The following RNF41 variants were observed in gnomAD, a reference collection of about 807,000 sequenced individuals.
The protein encoded by RNF41 is ring finger protein 41.
A neutral mutation model predicts 33.0 loss-of-function variants in RNF41; 4 were observed. That is an observed-to-expected ratio of 0.12 (90% CI 0.06 to 0.28). The LOEUF is 0.28. Among genes scored for constraint, RNF41 ranks in the 10% least tolerant of loss-of-function variants. The probability of loss-of-function intolerance (pLI) is 1.00; values close to 1 mark genes in which losing one functional copy is unlikely to be tolerated. For missense variants in RNF41, 228 were observed against 432.6 expected (o/e 0.53, Z 4.19); for synonymous variants, 164 against 153.2 (o/e 1.07, Z -0.52).
At chr12:56,212,040 T>C (rs1868522474) in intron 3 of RNF41, among the ~76,000 whole-genome samples, 1 of 152,112 alleles carries the variant, frequency 6.6e-6, no homozygotes, top group South Asian at 2.1e-4. Flanking sequence ...TCCCAGCACT[T>C]TGGGAGGCCA....
chr12:56,216,020 G>T (rs1478334502), intron 2 of RNF41, among the ~76,000 whole-genome samples: 1 of 152,004 alleles, frequency 6.6e-6, no homozygotes, highest in African/African-American at 2.4e-5. Context: ...TACTTGGGAG[G>T]GTGAGGCAGG....
intron 2 of RNF41, among the ~76,000 whole-genome samples, chr12:56,215,802 C>T (rs1362955416): frequency 6.6e-6 from 1 of 151,676 alleles, no homozygotes; most frequent in African/African-American, 2.4e-5. Context: ...CTTTGGGCTC[C>T]CAAAGGTCAA....
chr12:56,207,244 TG>T lies in RNF41; in HGVS notation c.602+401del, dbSNP rs913654654. ...TTCACTTGTATACTTCGCTTGTTTT[TG>T]CTGCATTTTAGAGATCACTTTCCTG... On this transcript the variant is annotated intron_variant, in intron 6 of 6. Transcript: ENST00000345093. The T allele has an allele frequency of 3.4e-5, 45 of 1,327,154 alleles. No individual in the cohort carries two copies. In the Admixed American group the frequency reaches 7.4e-4, roughly 22 times the overall value. The allele number at this position is 1,327,154 out of a possible 1,614,324, so 82.2% of individuals were successfully genotyped here. A position where few individuals can be genotyped will look rare whatever the true frequency, so the allele number is the denominator to read the frequency against.
At chr12:56,209,085 G>T (rs1405193690) in intron 4 of RNF41, among the ~76,000 whole-genome samples, 2 of 144,582 alleles carry the variant, frequency 1.4e-5, no homozygotes, top group Non-Finnish European at 3.0e-5. Flanking sequence ...CGCTGGTCTT[G>T]AACTCCTGAC....
intron 4 of RNF41, among the ~76,000 whole-genome samples, chr12:56,209,158 C>T (rs1270386697): frequency 2.0e-5 from 3 of 152,318 alleles, no homozygotes; most frequent in Admixed American, 6.5e-5. Flanking sequence ...AGCCACCGCA[C>T]GGGGCCTATT....
chr12:56,210,034 G>A, intron 4 of RNF41: 1 of 500,586 alleles, frequency 2.0e-6, no homozygotes, highest in Non-Finnish European at 3.6e-6. Flanking sequence ...TGAAAGGGAA[G>A]AATAGAGTCA....
At chr12:56,211,692 G>GC (rs1565943095) in intron 3 of RNF41, among the ~76,000 whole-genome samples, 2 of 152,164 alleles carry the variant, frequency 1.3e-5, no homozygotes, top group Non-Finnish European at 2.9e-5. Context: ...AGAAAGCTAG[G>GC]CCAGGCATGG....
chr12:56,202,208 T>C lies in RNF41; in HGVS notation c.*4239A>G, dbSNP rs1251676557. 1.6e-5 allele frequency: 2 copies of C among 126,034 alleles called. No homozygotes were observed. The highest frequency in any genetic ancestry group is 5.7e-5 in the African/African-American group (2 of 35,046). 7.8% of individuals were successfully genotyped at this position (126,034 alleles called of 1,614,324 possible). A position where few individuals can be genotyped will look rare whatever the true frequency, so the allele number is the denominator to read the frequency against. ...AGAGATGAAACAAAAAAAATTTTAC[T>C]AGTATTAAAACAGATTAAGACAATT... On this transcript the variant is annotated 3_prime_UTR_variant, in exon 7 of 7. Coordinates refer to ENST00000345093, the MANE Select transcript of RNF41 (RefSeq NM_005785.4).
chr12:56,210,675 C>T lies in RNF41; in HGVS notation c.91-107G>A, dbSNP rs568038285. 135 of 1,099,744 alleles carry T rather than the reference C, an allele frequency of 1.2e-4. No homozygotes were observed. The East Asian group carries it at 2.4e-3, about 20-fold the overall frequency. The allele number at this position is 1,099,744 out of a possible 1,614,324, so 68.1% of individuals were successfully genotyped here. ...CAATCAAGCCTTTGAGCAGCCTCTA[C>T]GACAAGAGGTCCACTGGGTCACAGC... On this transcript the variant is annotated intron_variant, in intron 3 of 6. Coordinates refer to ENST00000345093, the MANE Select transcript of RNF41 (RefSeq NM_005785.4).
chr12:56,211,314 G>A (rs972605212), intron 3 of RNF41, among the ~76,000 whole-genome samples: 3 of 151,964 alleles, frequency 2.0e-5, no homozygotes, highest in African/African-American at 7.3e-5. Context: ...CTCCAGCCTG[G>A]GTGACAGAGC....
intron 2 of RNF41, among the ~76,000 whole-genome samples, chr12:56,215,902 A>T (rs532271712): frequency 2.8e-4 from 43 of 151,442 alleles, no homozygotes. Flanking sequence ...TGGGTGGATC[A>T]CCTGAGGTCA....
At chr12:56,220,347 T>C (rs993258039) in intron 1 of RNF41, among the ~76,000 whole-genome samples, 1 of 146,188 alleles carries the variant, frequency 6.8e-6, no homozygotes. Flanking sequence ...CCCAAGTAGC[T>C]GGGACTACAG....
In RNF41 at chr12:56,208,163, C is replaced by T. The variant is rs1035187610; in HGVS notation, c.498G>A (p.Gln166=). The change falls in exon 5 of 7, where the codon CAG becomes CAA. Residue 166 remains glutamine (Q), a splice_region_variant and synonymous_variant. Transcript: ENST00000345093. The part of the protein sequence containing the change: ...SAEHKHQLAE[Q]KRDIQLLKAY... ...TTCTCCCCCGTGTCTTGGGGCCTAC[C>T]TGCTCCGCCAGCTGGTGTTTGTGTT... is the stretch of plus-strand genomic sequence containing the variant. 1.2e-6 allele frequency: 2 copies of T among 1,614,192 alleles called. No individual in the cohort carries two copies. The highest frequency in any genetic ancestry group is 1.7e-6 in the Non-Finnish European group (2 of 1,180,028).
chr12:56,211,356 T>C (rs930973491), intron 3 of RNF41, among the ~76,000 whole-genome samples: 1 of 151,438 alleles, frequency 6.6e-6, no homozygotes, highest in East Asian at 1.9e-4. Context: ...TAAATAAATA[T>C]ATATATATAT....
chr12:56,219,097 C>T (rs1006699132), intron 1 of RNF41, among the ~76,000 whole-genome samples: 2 of 151,866 alleles, frequency 1.3e-5, no homozygotes, highest in East Asian at 1.9e-4. Flanking sequence ...CCTCCACTTC[C>T]CAGGTTCAAA....
In RNF41 at chr12:56,210,520, A is replaced by G. The variant is rs1342144259; in HGVS notation, c.139T>C (p.Phe47Leu). Residue 47 changes from phenylalanine to leucine, a missense_variant, in exon 4 of 7, where the codon TTC (phenylalanine) becomes CTC (leucine). Coordinates refer to ENST00000345093, the MANE Select transcript of RNF41 (RefSeq NM_005785.4). ...ACTGGACATGTCTGTTGCTGAGAGAACCACTGGGTGATGCAGGCGTTGCAG... is the reference window on the plus strand; with the variant it reads ...ACTGGACATGTCTGTTGCTGAGAGAGCCACTGGGTGATGCAGGCGTTGCAG... ...AFCNACITQW[F>L]SQQQTCPVDR... 6.2e-7 allele frequency: 1 copy of G among 1,613,926 alleles called. No homozygotes were observed. Among genetic ancestry groups the G allele is most frequent in the Non-Finnish European group, 8.5e-7 (1 of 1,180,038 alleles).
intron 5 of RNF41, 136 bp from the exon 6 acceptor site, chr12:56,207,885 A>C: frequency 2.5e-6 from 2 of 785,070 alleles, no homozygotes; most frequent in Non-Finnish European, 4.4e-6. Context: ...CAGGGATAAG[A>C]CTGTCTCACT....
Position 56,206,438 on chromosome 12 carries a change from C to A in RNF41, c.*9G>T. On this transcript the variant is annotated 3_prime_UTR_variant, in exon 7 of 7. Transcript: ENST00000345093. The surrounding 1 kb of genome is among the most constrained non-coding windows in gnomAD (Gnocchi z 5.7). ...TTTCCATCTCTTCCTGATAGCCAGT[C>A]GAGTTCTCTTATATCTCTTCCACGC... is the stretch of plus-strand genomic sequence containing the variant. 1 of 1,593,638 alleles carries A rather than the reference C, an allele frequency of 6.3e-7. No homozygotes were observed. Among genetic ancestry groups the A allele is most frequent in the South Asian group, 1.1e-5 (1 of 88,546 alleles).
intron 4 of RNF41, among the ~76,000 whole-genome samples, chr12:56,209,537 A>C (rs1868350746): frequency 6.6e-6 from 1 of 150,482 alleles, no homozygotes. Flanking sequence ...TGCTCACTGC[A>C]AGCTCCCCGT....
Sources: gnomAD v4.1 joint callset for allele counts (sites outside exome capture counted in the v4.1 genomes callset) on GRCh38, gnomAD v4.1.1 for gene constraint, Gnocchi (gnomAD v3.1) non-coding constraint, MANE v1.5 for transcripts, NCBI Gene and HGNC (gene_info 2026-07-23, HGNC 2026-07-21) for gene names.